The following IL1RAPL1 variants were observed in gnomAD, a reference collection of about 807,000 sequenced individuals.
IL1RAPL1 encodes the protein interleukin-1 receptor accessory protein-like 1.
Under a neutral mutation model 48.4 loss-of-function variants are expected in IL1RAPL1, and 3 were observed. The observed-to-expected ratio is 0.06, with a 90% confidence interval of 0.03 to 0.16. IL1RAPL1 has a LOEUF of 0.16. IL1RAPL1 is among the 10% of genes least tolerant of loss of function. The probability of loss-of-function intolerance (pLI) is 1.00; values close to 1 mark genes in which losing one functional copy is unlikely to be tolerated. For synonymous variants in IL1RAPL1, 185 were observed against 187.7 expected (o/e 0.99, Z 0.12); for missense variants, 349 against 530.6 (o/e 0.66, Z 3.36).
At chrX:29,499,156 A>G (rs1935245874) in intron 5 of IL1RAPL1, among the ~76,000 whole-genome samples, 1 of 112,485 alleles carries the variant, frequency 8.9e-6, no homozygotes, top group African/African-American at 3.2e-5. Flanking sequence ...TATAATGCAT[A>G]TCTATACAAA....
intron 2 of IL1RAPL1, among the ~76,000 whole-genome samples, chrX:29,116,698 T>TG (rs1928684029): frequency 9.0e-6 from 1 of 111,452 alleles, no homozygotes; most frequent in Admixed American, 9.6e-5. Context: ...AAGTTAAGAC[T>TG]GGGGAAATAG....
At chrX:29,341,720 A>G (rs1933077783) in intron 3 of IL1RAPL1, among the ~76,000 whole-genome samples, 1 of 111,868 alleles carries the variant, frequency 8.9e-6, no homozygotes, top group Non-Finnish European at 1.9e-5. Context: ...AATAGTGAGT[A>G]CATTGAGAGC....
At position 29,320,781 on chromosome X, in the gene IL1RAPL1, G is replaced by T. The variant is rs80355642; in HGVS notation, c.362+37564G>T. Among the ~76,000 whole-genome samples, 20 of 109,707 alleles carry T rather than the reference G, an allele frequency of 1.8e-4. No homozygotes were observed. In the Admixed American group the frequency reaches 1.9e-3, roughly 10 times the overall value. Reference sequence around the variant, plus strand: ...ACTCCATCTCAAAAAAAAAAGGAATGAATATTATAATACTATGTTATTTAC... The same window carrying T: ...ACTCCATCTCAAAAAAAAAAGGAATTAATATTATAATACTATGTTATTTAC... On this transcript the variant is annotated intron_variant, in intron 3 of 10. Transcript: ENST00000378993.
At chrX:29,334,887 A>C (rs959774546) in intron 3 of IL1RAPL1, among the ~76,000 whole-genome samples, 1 of 112,869 alleles carries the variant, frequency 8.9e-6, no homozygotes. Flanking sequence ...GGCTGGGCAG[A>C]GGCTGCAATC....
At chrX:29,501,148 G>GT (rs1194781098) in intron 5 of IL1RAPL1, among the ~76,000 whole-genome samples, 24 of 111,489 alleles carry the variant, frequency 2.2e-4, no homozygotes, top group South Asian at 7.4e-4. Context: ...CAGATTATTT[G>GT]TTTTTTTGCG....
At chrX:29,022,478 G>A (rs1333726584) in intron 2 of IL1RAPL1, among the ~76,000 whole-genome samples, 1 of 111,839 alleles carries the variant, frequency 8.9e-6, no homozygotes, top group Non-Finnish European at 1.9e-5. Flanking sequence ...GAAATCAGGT[G>A]ATCAGAATAT....
At chrX:29,060,566 C>T (rs1027393225) in intron 2 of IL1RAPL1, among the ~76,000 whole-genome samples, 1 of 111,441 alleles carries the variant, frequency 9.0e-6, no homozygotes, top group African/African-American at 3.3e-5. Flanking sequence ...CAGATAAATA[C>T]CTAACTAGAA....
At chrX:29,948,854 A>G (rs1933261197) in intron 9 of IL1RAPL1, among the ~76,000 whole-genome samples, 1 of 110,781 alleles carries the variant, frequency 9.0e-6, no homozygotes, top group Non-Finnish European at 1.9e-5. Context: ...AAGAAAAAAA[A>G]AAAAGGAATG....
At chrX:28,831,600 A>G (rs1379660446) in intron 2 of IL1RAPL1, among the ~76,000 whole-genome samples, 1 of 110,496 alleles carries the variant, frequency 9.1e-6, no homozygotes, top group Non-Finnish European at 1.9e-5. Flanking sequence ...TTGGGGAAAG[A>G]GGGATGGAAA....
intron 5 of IL1RAPL1, among the ~76,000 whole-genome samples, chrX:29,531,094 G>T (rs1358299773): frequency 9.0e-6 from 1 of 111,393 alleles, no homozygotes; most frequent in Non-Finnish European, 1.9e-5. Context: ...TGTTAGAGAT[G>T]ATTGTTCTTA....
chrX:29,249,260 A>G (rs946987064), intron 2 of IL1RAPL1, among the ~76,000 whole-genome samples: 1 of 111,840 alleles, frequency 8.9e-6, no homozygotes, highest in African/African-American at 3.3e-5. Flanking sequence ...CTCAGAAAGA[A>G]TAGTTAAAAC....
At chrX:28,703,506 T>G (rs1253465521) in intron 1 of IL1RAPL1, among the ~76,000 whole-genome samples, 1 of 111,081 alleles carries the variant, frequency 9.0e-6, no homozygotes, top group Non-Finnish European at 1.9e-5. Context: ...GGACAGAAAA[T>G]TAATGGAACA....
intron 2 of IL1RAPL1, among the ~76,000 whole-genome samples, chrX:29,224,952 G>C (rs778647922): frequency 2.7e-5 from 3 of 112,078 alleles, no homozygotes; most frequent in Non-Finnish European, 5.6e-5. Flanking sequence ...AGAATGGTGT[G>C]ATTGTTGCCT....
chrX:29,332,522 G>T (rs1485573119), intron 3 of IL1RAPL1, among the ~76,000 whole-genome samples: 1 of 101,942 alleles, frequency 9.8e-6, no homozygotes, highest in African/African-American at 3.5e-5. Flanking sequence ...AATTGACTTG[G>T]TTGCCAATAT....
At position 29,122,011 on chromosome X, in the gene IL1RAPL1, A is replaced by G. The variant is rs191245690; in HGVS notation, c.83-160927A>G. ...ATGGAGGGGTTGGTCACCACTCATT[A>G]TTTAATGTAAGTAACTTATCTTTGT... is the stretch of plus-strand genomic sequence containing the variant. On this transcript the variant is annotated intron_variant, in intron 2 of 10. Transcript: ENST00000378993. 3.6e-5 allele frequency among the ~76,000 whole-genome samples: 4 copies of G among 111,986 alleles called. No homozygotes were observed. In the East Asian group the frequency reaches 1.1e-3, roughly 31 times the overall value.
intron 2 of IL1RAPL1, among the ~76,000 whole-genome samples, chrX:29,104,773 T>A (rs781334328): frequency 9.0e-6 from 1 of 110,633 alleles, no homozygotes; most frequent in South Asian, 3.8e-4. Flanking sequence ...CAAAAAAAAA[T>A]TTAAGAAAAA....
At chrX:29,118,470 G>A (rs1004146555) in intron 2 of IL1RAPL1, among the ~76,000 whole-genome samples, 3 of 111,719 alleles carry the variant, frequency 2.7e-5, no homozygotes, top group African/African-American at 9.7e-5. Flanking sequence ...TGTGTACCCA[G>A]TAATCAACTG....
chrX:29,648,457 T>C (rs189734870), intron 5 of IL1RAPL1, among the ~76,000 whole-genome samples: 1 of 111,712 alleles, frequency 9.0e-6, no homozygotes, highest in Non-Finnish European at 1.9e-5. Flanking sequence ...ACCATGATGG[T>C]ATAAAACTAG....
intron 1 of IL1RAPL1, among the ~76,000 whole-genome samples, chrX:28,772,921 A>G (rs1183709629): frequency 8.9e-6 from 1 of 112,002 alleles, no homozygotes; most frequent in Non-Finnish European, 1.9e-5. Flanking sequence ...ATTAAATTCA[A>G]CTATCTACCT....
Sources: allele counts gnomAD v4.1 joint callset (sites outside exome capture counted in the v4.1 genomes callset), GRCh38; gene constraint gnomAD v4.1.1; transcripts MANE v1.5; gene names NCBI Gene and HGNC (gene_info 2026-07-23, HGNC 2026-07-21).